ASAP1: variants seen among roughly 807,000 people sequenced by gnomAD.
ASAP1 encodes ArfGAP with SH3 domain, ankyrin repeat and PH domain 1, also known as arf-GAP with SH3 domain, ANK repeat and PH domain-containing protein 1.
A neutral mutation model predicts 145.2 loss-of-function variants in ASAP1; 43 were observed. That is an observed-to-expected ratio of 0.30 (90% CI 0.23 to 0.38). The LOEUF (loss-of-function observed/expected upper bound fraction) is 0.38, where lower values mean the gene tolerates loss of function less well. Among genes scored for constraint, ASAP1 ranks in the 10% least tolerant of loss-of-function variants. ASAP1 has a pLI of 1.00. For missense variants in ASAP1, 1,018 were observed against 1,355.3 expected, an observed-to-expected ratio of 0.75 and a Z score of 3.91; for synonymous variants, 546 against 515.5, an observed-to-expected ratio of 1.06 and a Z score of -0.80.
At chr8:130,295,068 A>G (rs1406647879) in intron 3 of ASAP1, among the ~76,000 whole-genome samples, 2 of 152,158 alleles carry the variant, frequency 1.3e-5, no homozygotes, top group African/African-American at 2.4e-5. Flanking sequence ...GTTCAAGACC[A>G]GCCTGGGCAA....
chr8:130,286,398 T>G (rs1284710349), intron 3 of ASAP1, among the ~76,000 whole-genome samples: 1 of 152,190 alleles, frequency 6.6e-6, no homozygotes, highest in Non-Finnish European at 1.5e-5. Flanking sequence ...ACAGTTTAAG[T>G]CCATCACTTA....
chr8:130,321,762 TACC>T (rs1296433497), intron 3 of ASAP1, among the ~76,000 whole-genome samples: 1 of 152,220 alleles, frequency 6.6e-6, no homozygotes, highest in Non-Finnish European at 1.5e-5. Flanking sequence ...GCCAGAAAGA[TACC>T]ACGTTTGTCT....
At chr8:130,056,019 A>T (rs1475932704) in intron 29 of ASAP1, among the ~76,000 whole-genome samples, 1 of 152,358 alleles carries the variant, frequency 6.6e-6, no homozygotes, top group East Asian at 1.9e-4. Context: ...TGCTAGGGAC[A>T]CCAATGACAG....
chr8:130,245,166 T>C (rs914247095), intron 3 of ASAP1, among the ~76,000 whole-genome samples: 1 of 152,114 alleles, frequency 6.6e-6, no homozygotes, highest in African/African-American at 2.4e-5. Flanking sequence ...GAGGCTGCCA[T>C]GAAGGGGAAA....
intron 3 of ASAP1, among the ~76,000 whole-genome samples, chr8:130,269,879 T>G (rs1820486653): frequency 6.6e-6 from 1 of 152,178 alleles, no homozygotes; most frequent in Admixed American, 6.5e-5. Context: ...CGTTCCAAGT[T>G]AAATATCAGG....
chr8:130,061,740 C>G (rs1564915575), intron 27 of ASAP1, among the ~76,000 whole-genome samples: 1 of 152,232 alleles, frequency 6.6e-6, no homozygotes, highest in Non-Finnish European at 1.5e-5. Flanking sequence ...GATACATAGT[C>G]TGAAACTTTG....
chr8:130,402,078 C>T (rs1828822698), intron 1 of ASAP1, 108 bp from the exon 2 acceptor site: 4 of 675,204 alleles, frequency 5.9e-6, no homozygotes, highest in African/African-American at 3.6e-5. Flanking sequence ...GCACCTTTGT[C>T]AGGAATGTTC....
intron 3 of ASAP1, among the ~76,000 whole-genome samples, chr8:130,355,736 A>C (rs568566762): frequency 4.4e-4 from 67 of 152,312 alleles, no homozygotes; most frequent in Non-Finnish European, 7.2e-4. Flanking sequence ...CATGGGGGAA[A>C]AATTAAAATT....
At chr8:130,197,297 G>A (rs1815562499) in intron 5 of ASAP1, among the ~76,000 whole-genome samples, 1 of 152,238 alleles carries the variant, frequency 6.6e-6, no homozygotes, top group Non-Finnish European at 1.5e-5. Flanking sequence ...GGGCTTGGTA[G>A]TGCATGCCTA....
At chr8:130,368,293 G>T (rs1411808067) in intron 2 of ASAP1, among the ~76,000 whole-genome samples, 1 of 151,998 alleles carries the variant, frequency 6.6e-6, no homozygotes, top group Non-Finnish European at 1.5e-5. Context: ...TATCATGGGG[G>T]GTTTTGTGTG....
intron 2 of ASAP1, among the ~76,000 whole-genome samples, chr8:130,387,901 T>C (rs35091752): frequency 0.53 from 80,570 of 152,090 alleles, 22,169 homozygotes; most frequent in African/African-American, 0.69. Context: ...CAGCCATCAG[T>C]GACCTTGTCC....
At position 130,259,665 on chromosome 8, in the gene ASAP1, T is replaced by A. The variant is rs560239356; in HGVS notation, c.187-22671A>T. On this transcript the variant is annotated intron_variant, in intron 3 of 29. Transcript: ENST00000518721. ...TTATCTTGTCATGCTAGCTGACTAATTAGCTATGCCCCACTGCCTCACATG... is the reference window on the plus strand; with the variant it reads ...TTATCTTGTCATGCTAGCTGACTAAATAGCTATGCCCCACTGCCTCACATG... Among the ~76,000 whole-genome samples, 24 of 152,380 alleles carry A rather than the reference T, an allele frequency of 1.6e-4. No homozygotes were observed. In the South Asian group the frequency reaches 4.8e-3, roughly 30 times the overall value.
At chr8:130,216,000 G>GAAAGGAA (rs769732631) in intron 4 of ASAP1, among the ~76,000 whole-genome samples, 1 of 118,820 alleles carries the variant, frequency 8.4e-6, no homozygotes, top group Non-Finnish European at 1.8e-5. Context: ...GAAAGGAAAG[G>GAAAGGAA]AAAGGAAAGG....
intron 1 of ASAP1, 122 bp from the exon 2 acceptor site, chr8:130,402,092 C>T: frequency 1.6e-6 from 1 of 622,392 alleles, no homozygotes; most frequent in Non-Finnish European, 2.7e-6. Flanking sequence ...AATGTTCTTG[C>T]ACCACAGAGT....
At chr8:130,379,631 C>T (rs570785725) in intron 2 of ASAP1, among the ~76,000 whole-genome samples, 1 of 152,136 alleles carries the variant, frequency 6.6e-6, no homozygotes, top group East Asian at 1.9e-4. Flanking sequence ...TGGAGAATTG[C>T]TTGGTATAGA....
At chr8:130,079,792 C>T (rs2135312570) in intron 26 of ASAP1, 110 bp downstream of exon 26, 3 of 1,145,386 alleles carry the variant, frequency 2.6e-6, no homozygotes, top group Non-Finnish European at 2.6e-6. Context: ...CCCCACTTGG[C>T]TGACCACAGC....
intron 24 of ASAP1, among the ~76,000 whole-genome samples, chr8:130,096,891 C>T (rs893805682): frequency 1.1e-4 from 17 of 151,674 alleles, no homozygotes; most frequent in African/African-American, 3.2e-4. Context: ...TTTGGGAGGC[C>T]GAGGCGTGAG....
intron 3 of ASAP1, among the ~76,000 whole-genome samples, chr8:130,278,408 T>C (rs1821051882): frequency 6.6e-6 from 1 of 152,072 alleles, no homozygotes; most frequent in Non-Finnish European, 1.5e-5. Context: ...AATATGACCC[T>C]ACCTAAAAAT....
chr8:130,293,707 T>C (rs1386287841), intron 3 of ASAP1, among the ~76,000 whole-genome samples: 1 of 152,212 alleles, frequency 6.6e-6, no homozygotes, highest in East Asian at 1.9e-4. Flanking sequence ...TTCTTTAGAT[T>C]ATTTTCACAA....
Sources: gnomAD v4.1 joint callset for allele counts (sites outside exome capture counted in the v4.1 genomes callset) on GRCh38, gnomAD v4.1.1 for gene constraint, MANE v1.5 for transcripts, NCBI Gene and HGNC (gene_info 2026-07-23, HGNC 2026-07-21) for gene names.